Variants in FTO observed in about 807,000 individuals in gnomAD.
The protein encoded by FTO is alpha-ketoglutarate-dependent dioxygenase FTO.
FTO carries 47 observed loss-of-function variants against 63.9 expected under a neutral mutation model. That is an observed-to-expected ratio of 0.74 (90% CI 0.58 to 0.94). The LOEUF is 0.94. Among genes scored for constraint, FTO ranks in the 40% least tolerant of loss-of-function variants. The pLI is 0.00. For missense variants in FTO, 562 were observed against 618.1 expected (o/e 0.91, Z 0.96); for synonymous variants, 207 against 224.4 (o/e 0.92, Z 0.69).
intron 3 of FTO, among the ~76,000 whole-genome samples, chr16:53,839,769 C>CTTTTTT (rs146746378): frequency 8.3e-5 from 12 of 144,142 alleles, no homozygotes; most frequent in Non-Finnish European, 1.6e-4. Context: ...AATTGGTTTT[C>CTTTTTT]TTTTTTTTTA....
intron 4 of FTO, among the ~76,000 whole-genome samples, chr16:53,871,324 T>C (rs2080485616): frequency 6.6e-6 from 1 of 152,224 alleles, no homozygotes; most frequent in Non-Finnish European, 1.5e-5. Context: ...CTGTCACTCA[T>C]GCCCTTTCAT....
intron 1 of FTO, among the ~76,000 whole-genome samples, chr16:53,749,096 T>C (rs2076718466): frequency 6.6e-6 from 1 of 152,214 alleles, no homozygotes; most frequent in Non-Finnish European, 1.5e-5. Context: ...ATTGTTTTCT[T>C]GATTTCTTTT....
chr16:54,040,639 CCA>C (rs762828475), intron 8 of FTO: 19 of 152,144 alleles, frequency 1.2e-4, no homozygotes, highest in Non-Finnish European at 2.2e-4. Context: ...AAAGACCAAG[CCA>C]CAGTCACATG....
In FTO at chr16:53,742,904, G is replaced by C. The variant is rs1207533600; in HGVS notation, c.45+38675G>C. Among the ~76,000 whole-genome samples, 2 of 152,144 alleles carry C rather than the reference G, an allele frequency of 1.3e-5. 1 individual carries two copies. On this transcript the variant is annotated intron_variant, in intron 1 of 8. Transcript: ENST00000471389. ...TTAGTTCTTGGAATGGGCAGATGGG[G>C]ACAGGGGTAACTGGAGCCCCTGGTC...
At chr16:53,819,694 A>G (rs2078798831) in intron 2 of FTO, among the ~76,000 whole-genome samples, 1 of 152,106 alleles carries the variant, frequency 6.6e-6, no homozygotes, top group South Asian at 2.1e-4. Context: ...TTCTTTTTCA[A>G]AAAGTTTATT....
At chr16:53,800,468 G>T (rs2078190716) in intron 1 of FTO, among the ~76,000 whole-genome samples, 1 of 152,106 alleles carries the variant, frequency 6.6e-6, no homozygotes, top group African/African-American at 2.4e-5. Context: ...GCTGTTGTTT[G>T]GTGGAGTGCT....
At chr16:53,994,168 T>C (rs776977713) in intron 8 of FTO, 1 of 152,168 alleles carries the variant, frequency 6.6e-6, no homozygotes, top group Non-Finnish European at 1.5e-5. Flanking sequence ...TTAAAAGTCC[T>C]TACATGCGTT....
At chr16:53,809,120 T>A (rs1048004381) in intron 1 of FTO, among the ~76,000 whole-genome samples, 1 of 152,194 alleles carries the variant, frequency 6.6e-6, no homozygotes, top group Non-Finnish European at 1.5e-5. Flanking sequence ...TAATATGAGA[T>A]CGTCTTTCAG....
intron 1 of FTO, among the ~76,000 whole-genome samples, chr16:53,775,376 C>G (rs2077436994): frequency 6.6e-6 from 1 of 152,272 alleles, no homozygotes; most frequent in African/African-American, 2.4e-5. Flanking sequence ...ACTCTTGATT[C>G]CTTTTCATTT....
chr16:53,937,825 A>G (rs1472335087), intron 8 of FTO: 1 of 152,262 alleles, frequency 6.6e-6, no homozygotes, highest in East Asian at 1.9e-4. Flanking sequence ...AAAGTGCTCC[A>G]AAGAAAAGGT....
chr16:53,747,580 G>A (rs2076678334), intron 1 of FTO, among the ~76,000 whole-genome samples: 1 of 152,108 alleles, frequency 6.6e-6, no homozygotes, highest in African/African-American at 2.4e-5. Context: ...TTAATCAGAT[G>A]TATAGCTTAT....
chr16:54,081,038 G>A (rs2086127473), intron 8 of FTO, among the ~76,000 whole-genome samples: 1 of 152,190 alleles, frequency 6.6e-6, no homozygotes, highest in African/African-American at 2.4e-5. Flanking sequence ...TTCAGAGGCT[G>A]CCTCTGTGCT....
chr16:53,934,637 G>A (rs920336029), intron 8 of FTO, among the ~76,000 whole-genome samples: 1 of 152,148 alleles, frequency 6.6e-6, no homozygotes, highest in Non-Finnish European at 1.5e-5. Flanking sequence ...GCTATATGGT[G>A]TCGTCTGTTG....
chr16:53,891,489 T>G (rs1031416587), intron 7 of FTO, among the ~76,000 whole-genome samples: 2 of 152,002 alleles, frequency 1.3e-5, no homozygotes, highest in Non-Finnish European at 2.9e-5. Flanking sequence ...AGTGAGACTT[T>G]GTCTCTACTA....
At chr16:53,855,834 C>T (rs1290785726) in intron 4 of FTO, among the ~76,000 whole-genome samples, 1 of 152,156 alleles carries the variant, frequency 6.6e-6, no homozygotes, top group Non-Finnish European at 1.5e-5. Context: ...TGTACATTCC[C>T]TTCTAAATTT....
chr16:54,058,575 G>A (rs2085496002), intron 8 of FTO, among the ~76,000 whole-genome samples: 1 of 152,268 alleles, frequency 6.6e-6, no homozygotes, highest in Non-Finnish European at 1.5e-5. Flanking sequence ...TGACTTCAAG[G>A]AGGAGGAAAG....
At chr16:53,981,463 A>G (rs546520903) in intron 8 of FTO, 117 of 152,378 alleles carry the variant, frequency 7.7e-4, no homozygotes, top group African/African-American at 2.7e-3. Context: ...GGAAAACCTG[A>G]AGCCTTCCTG....
intron 1 of FTO, among the ~76,000 whole-genome samples, chr16:53,714,460 C>A (rs2075847076): frequency 6.6e-6 from 1 of 152,094 alleles, no homozygotes; most frequent in South Asian, 2.1e-4. Context: ...TCCAGTTTGC[C>A]ATTTTTTGAA....
intron 8 of FTO, among the ~76,000 whole-genome samples, chr16:54,047,032 A>G (rs2085185144): frequency 1.4e-5 from 2 of 147,984 alleles, no homozygotes; most frequent in East Asian, 2.1e-4. Flanking sequence ...AGGCATTACC[A>G]TTCAGGACAT....
Sources: allele counts gnomAD v4.1 joint callset (sites outside exome capture counted in the v4.1 genomes callset), GRCh38; gene constraint gnomAD v4.1.1; transcripts MANE v1.5; gene names NCBI Gene and HGNC (gene_info 2026-07-23, HGNC 2026-07-21).